TAMM41: variants seen among roughly 807,000 people sequenced by gnomAD.
TAMM41 encodes the protein TAM41 mitochondrial translocator assembly and maintenance homolog, also known as phosphatidate cytidylyltransferase, mitochondrial.
A neutral mutation model predicts 44.1 loss-of-function variants in TAMM41; 36 were observed. The observed-to-expected ratio is 0.82, with a 90% CI of 0.63 to 1.08. The LOEUF (loss-of-function observed/expected upper bound fraction) is 1.08. Ranked by LOEUF, TAMM41 falls within the 50% of genes least tolerant of loss-of-function variation. The probability of loss-of-function intolerance (pLI) is 0.00; values close to 1 mark genes in which losing one functional copy is unlikely to be tolerated. For synonymous variants in TAMM41, 164 were observed against 153.1 expected (o/e 1.07, Z -0.53); for missense variants, 417 against 404.3 (o/e 1.03, Z -0.27).
At chr3:11,803,562 A>G (rs1559274295) in intron 7 of TAMM41, among the ~76,000 whole-genome samples, 1 of 152,024 alleles carries the variant, frequency 6.6e-6, no homozygotes, top group Non-Finnish European at 1.5e-5. Flanking sequence ...TCCCATTACT[A>G]TGTATACATC....
the TAMM41 span, among the ~76,000 whole-genome samples, chr3:11,773,328 A>C: frequency 6.6e-6 from 1 of 151,850 alleles, no homozygotes; most frequent in African/African-American, 2.4e-5. Flanking sequence ...TAAAAAAAAA[A>C]AAGCTAGTTA....
At chr3:11,760,985 T>C in the TAMM41 span, among the ~76,000 whole-genome samples, 2 of 151,306 alleles carry the variant, frequency 1.3e-5, no homozygotes. Context: ...GCTAACACGG[T>C]GAAACCCCGT....
intron 7 of TAMM41, among the ~76,000 whole-genome samples, chr3:11,794,257 T>C (rs1396487903): frequency 6.6e-6 from 1 of 152,032 alleles, no homozygotes; most frequent in African/African-American, 2.4e-5. Flanking sequence ...TCTCCTCATC[T>C]TCCTGAGTAG....
chr3:11,780,720 C>T, the TAMM41 span, among the ~76,000 whole-genome samples: 3 of 152,062 alleles, frequency 2.0e-5, no homozygotes, highest in Non-Finnish European at 2.9e-5. Flanking sequence ...CTATAGTTAC[C>T]CTATAGTTAC....
At chr3:11,808,505 A>G (rs551481055) in intron 6 of TAMM41, 1 of 985,720 alleles carries the variant, frequency 1.0e-6, no homozygotes, top group East Asian at 1.1e-4. Context: ...GCTGCAGCTC[A>G]TCCACTGCAG....
At chr3:11,783,999 A>G in the TAMM41 span, among the ~76,000 whole-genome samples, 4 of 152,210 alleles carry the variant, frequency 2.6e-5, no homozygotes, top group African/African-American at 9.6e-5. Context: ...ATTACTCAAA[A>G]TGTAAAATGT....
chr3:11,752,402 C>T, the TAMM41 span, among the ~76,000 whole-genome samples: 4 of 152,096 alleles, frequency 2.6e-5, no homozygotes, highest in Admixed American at 2.0e-4. Context: ...TTTATTTGTC[C>T]CTGCCCACAT....
the TAMM41 span, among the ~76,000 whole-genome samples, chr3:11,767,370 G>C: frequency 6.6e-6 from 1 of 151,928 alleles, no homozygotes; most frequent in Non-Finnish European, 1.5e-5. Flanking sequence ...GGTCCAGCCA[G>C]GGTACTTATC....
intron 5 of TAMM41, among the ~76,000 whole-genome samples, chr3:11,810,284 A>C (rs1463805513): frequency 6.6e-6 from 1 of 152,214 alleles, no homozygotes; most frequent in Admixed American, 6.5e-5. Context: ...AATCAATACA[A>C]CTTAGTTGTC....
chr3:11,841,443 C>T (rs1465749821), intron 2 of TAMM41, among the ~76,000 whole-genome samples: 1 of 152,072 alleles, frequency 6.6e-6, no homozygotes, highest in African/African-American at 2.4e-5. Context: ...GTTACAAAGT[C>T]CCATTTGCAT....
chr3:11,825,217 T>G (rs2078697476), intron 4 of TAMM41, among the ~76,000 whole-genome samples: 1 of 152,170 alleles, frequency 6.6e-6, no homozygotes, highest in African/African-American at 2.4e-5. Flanking sequence ...ATAACTAGTT[T>G]GTACATTTCA....
At chr3:11,840,914 A>C (rs2079407516) in intron 2 of TAMM41, among the ~76,000 whole-genome samples, 1 of 151,858 alleles carries the variant, frequency 6.6e-6, no homozygotes, top group Non-Finnish European at 1.5e-5. Context: ...AGTACAAGAA[A>C]TTTTCCTTTA....
the TAMM41 span, among the ~76,000 whole-genome samples, chr3:11,752,021 C>T: frequency 6.6e-6 from 1 of 152,146 alleles, no homozygotes; most frequent in Non-Finnish European, 1.5e-5. Context: ...GTGAGGGACA[C>T]TCAGGCAGGT....
At chr3:11,812,778 C>A (rs1317041323) in intron 5 of TAMM41, among the ~76,000 whole-genome samples, 2 of 152,142 alleles carry the variant, frequency 1.3e-5, no homozygotes, top group East Asian at 3.8e-4. Context: ...ACCCCTTGCC[C>A]AATTTTGATG....
At chr3:11,753,891 C>T in the TAMM41 span, among the ~76,000 whole-genome samples, 1 of 152,110 alleles carries the variant, frequency 6.6e-6, no homozygotes, top group African/African-American at 2.4e-5. Context: ...AGGCCGATGA[C>T]AAGATAAAGG....
chr3:11,740,668 C>T, the TAMM41 span, among the ~76,000 whole-genome samples: 541 of 152,004 alleles, frequency 3.6e-3, 1 homozygote, highest in African/African-American at 9.0e-3. Flanking sequence ...CCACAACCTC[C>T]GCCTCCTGGG....
At chr3:11,830,707 A>C (rs1441425513) in intron 3 of TAMM41, 1 of 151,742 alleles carries the variant, frequency 6.6e-6, no homozygotes, top group East Asian at 1.9e-4. Context: ...AAACAAAAAC[A>C]AAAAAAACAA....
chr3:11,730,941 C>T, the TAMM41 span, among the ~76,000 whole-genome samples: 5 of 152,150 alleles, frequency 3.3e-5, no homozygotes, highest in Admixed American at 1.3e-4. Context: ...GTTGCTGATA[C>T]GTTGGTATTG....
intron 4 of TAMM41, among the ~76,000 whole-genome samples, chr3:11,825,283 G>A (rs1227393715): frequency 6.6e-6 from 1 of 152,180 alleles, no homozygotes; most frequent in African/African-American, 2.4e-5. Context: ...AAAAGTTTGG[G>A]TATTGTTCAT....
Sources: gnomAD v4.1 joint callset for allele counts (sites outside exome capture counted in the v4.1 genomes callset) on GRCh38, gnomAD v4.1.1 for gene constraint, MANE v1.5 for transcripts, NCBI Gene and HGNC (gene_info 2026-07-23, HGNC 2026-07-21) for gene names.